Variants in DACH2 observed in about 807,000 individuals in gnomAD.
DACH2 encodes the protein dachshund family transcription factor 2.
DACH2 carries 17 observed loss-of-function variants against 35.8 expected under a neutral mutation model. The observed-to-expected ratio is 0.48, with a 90% CI of 0.33 to 0.71. The LOEUF is 0.71. Ranked by LOEUF, DACH2 falls within the 30% of genes least tolerant of loss-of-function variation. The pLI is 0.02. For missense variants in DACH2, 469 were observed against 472.7 expected (o/e 0.99, Z 0.07); for synonymous variants, 195 against 177.3 (o/e 1.10, Z -0.79).
intron 3 of DACH2, among the ~76,000 whole-genome samples, chrX:86,582,998 C>T (rs1228512650): frequency 9.0e-6 from 1 of 110,861 alleles, no homozygotes; most frequent in Non-Finnish European, 1.9e-5. Flanking sequence ...AGTAGCACAT[C>T]GAAAAGCTAA....
intron 1 of DACH2, among the ~76,000 whole-genome samples, chrX:86,236,808 A>G (rs1403308275): frequency 8.9e-6 from 1 of 112,349 alleles, no homozygotes; most frequent in Non-Finnish European, 1.9e-5. Context: ...AAGTCCTAAG[A>G]CATTACTGTA....
At chrX:86,783,168 C>G (rs750746684) in intron 7 of DACH2, among the ~76,000 whole-genome samples, 1 of 111,913 alleles carries the variant, frequency 8.9e-6, no homozygotes, top group Non-Finnish European at 1.9e-5. Flanking sequence ...TGAAAAAGTT[C>G]TCAACATCAT....
chrX:86,387,355 G>C (rs758058864), intron 2 of DACH2, among the ~76,000 whole-genome samples: 2 of 111,685 alleles, frequency 1.8e-5, no homozygotes, highest in South Asian at 7.4e-4. Context: ...AGATTTTCCA[G>C]TCTTTTTTGA....
At position 86,619,932 on chromosome X, in the gene DACH2, G is replaced by A. The variant is rs1015493732; in HGVS notation, c.641-31104G>A. ...ACTACAATGCAGTTGTTAGGTAGAT[G>A]CCAATTTTTCCTGGGAAAAAAATTA... On this transcript the variant is annotated intron_variant, in intron 3 of 11. Transcript: ENST00000373125. 6.3e-5 allele frequency among the ~76,000 whole-genome samples: 7 copies of A among 111,973 alleles called. No homozygotes were observed. In the South Asian group the frequency reaches 2.6e-3, roughly 41 times the overall value.
At chrX:86,339,546 C>T (rs999396124) in intron 1 of DACH2, among the ~76,000 whole-genome samples, 4 of 111,502 alleles carry the variant, frequency 3.6e-5, no homozygotes, top group African/African-American at 1.3e-4. Flanking sequence ...GAAATAAGTA[C>T]TATTATTATT....
intron 3 of DACH2, among the ~76,000 whole-genome samples, chrX:86,550,704 C>T (rs2039037395): frequency 2.7e-5 from 3 of 110,992 alleles, no homozygotes; most frequent in African/African-American, 9.8e-5. Flanking sequence ...TTACCAGTTA[C>T]AAAAAGAAAG....
chrX:86,195,948 C>T (rs2031970257), intron 1 of DACH2, among the ~76,000 whole-genome samples: 1 of 111,919 alleles, frequency 8.9e-6, no homozygotes, highest in Non-Finnish European at 1.9e-5. Flanking sequence ...AGGGCAGCAA[C>T]TTCAAAGACT....
chrX:86,178,817 C>T (rs185299911), intron 1 of DACH2, among the ~76,000 whole-genome samples: 3 of 111,513 alleles, frequency 2.7e-5, no homozygotes, highest in Non-Finnish European at 5.7e-5. Context: ...GCTCTTATTT[C>T]TGAAATTGGT....
chrX:86,508,330 G>A (rs1368981226), intron 2 of DACH2, among the ~76,000 whole-genome samples: 1 of 110,669 alleles, frequency 9.0e-6, no homozygotes, highest in African/African-American at 3.3e-5. Context: ...AGGCCGAGGC[G>A]GGCGGATCAC....
intron 2 of DACH2, among the ~76,000 whole-genome samples, chrX:86,411,881 G>T (rs761051925): frequency 3.6e-5 from 4 of 110,688 alleles, no homozygotes; most frequent in Non-Finnish European, 7.6e-5. Flanking sequence ...CTGGTAACAT[G>T]ACCCAAATCT....
intron 1 of DACH2, among the ~76,000 whole-genome samples, chrX:86,223,682 T>C (rs1044770184): frequency 1.4e-4 from 16 of 112,184 alleles, no homozygotes; most frequent in African/African-American, 5.2e-4. Flanking sequence ...AGCTTATCAT[T>C]AGCTCATAGA....
chrX:86,700,034 T>G (rs911567904), intron 5 of DACH2, among the ~76,000 whole-genome samples: 1 of 112,086 alleles, frequency 8.9e-6, no homozygotes, highest in Admixed American at 9.5e-5. Context: ...TTGATTTCTG[T>G]TTTTACTATC....
intron 1 of DACH2, among the ~76,000 whole-genome samples, chrX:86,246,617 C>G (rs1172618876): frequency 8.9e-6 from 1 of 112,041 alleles, no homozygotes; most frequent in Non-Finnish European, 1.9e-5. Flanking sequence ...CAAGTAAATG[C>G]TAAAATAATT....
intron 5 of DACH2, among the ~76,000 whole-genome samples, chrX:86,705,972 C>G (rs1229383064): frequency 1.8e-5 from 2 of 111,960 alleles, no homozygotes; most frequent in Non-Finnish European, 3.8e-5. Context: ...GGCCATCATT[C>G]TAAGTGAAGT....
At chrX:86,771,959 A>G (rs1471594730) in intron 7 of DACH2, among the ~76,000 whole-genome samples, 1 of 111,781 alleles carries the variant, frequency 8.9e-6, no homozygotes, top group African/African-American at 3.2e-5. Flanking sequence ...ATATCAGTTC[A>G]GCGTACTACA....
At chrX:86,331,444 A>G (rs1170010412) in intron 1 of DACH2, among the ~76,000 whole-genome samples, 1 of 110,573 alleles carries the variant, frequency 9.0e-6, no homozygotes, top group African/African-American at 3.3e-5. Context: ...ACTAAATTAG[A>G]ATGTAAATCC....
chrX:86,270,051 T>C (rs2033787553), intron 1 of DACH2, among the ~76,000 whole-genome samples: 1 of 102,114 alleles, frequency 9.8e-6, no homozygotes, highest in African/African-American at 3.6e-5. Context: ...TTTTTTTTTT[T>C]CCTAAAGAGT....
chrX:86,675,002 G>C (rs1026251646), intron 4 of DACH2, among the ~76,000 whole-genome samples: 19 of 110,786 alleles, frequency 1.7e-4, no homozygotes, highest in Non-Finnish European at 3.2e-4. Context: ...TATTAGTGAA[G>C]TCACTAGACA....
At chrX:86,298,224 G>T (rs953084702) in intron 1 of DACH2, among the ~76,000 whole-genome samples, 8 of 111,773 alleles carry the variant, frequency 7.2e-5, no homozygotes, top group African/African-American at 2.6e-4. Context: ...CATCCAAAAT[G>T]ATATATTTCC....
Sources: allele counts gnomAD v4.1 joint callset (sites outside exome capture counted in the v4.1 genomes callset), GRCh38; gene constraint gnomAD v4.1.1; transcripts MANE v1.5; gene names NCBI Gene and HGNC (gene_info 2026-07-23, HGNC 2026-07-21).